The following STAT5A variants were observed in gnomAD, a reference collection of about 807,000 sequenced individuals.
STAT5A encodes signal transducer and activator of transcription 5A.
Under a neutral mutation model 100.2 loss-of-function variants are expected in STAT5A, and 26 were observed. The observed-to-expected ratio is 0.26, with a 90% CI of 0.19 to 0.36. The LOEUF is 0.36. STAT5A is among the 10% of genes least tolerant of loss of function. The pLI is 1.00. For missense variants in STAT5A, 634 were observed against 1,027.5 expected (o/e 0.62, Z 5.24); for synonymous variants, 330 against 424.3 (o/e 0.78, Z 2.73).
intron 7 of STAT5A, among the ~76,000 whole-genome samples, 200 bp downstream of exon 7, chr17:42,300,481 G>T (rs1001207078): frequency 1.3e-5 from 2 of 152,176 alleles, no homozygotes; most frequent in African/African-American, 4.8e-5. Flanking sequence ...CTGTCCTGGG[G>T]GTGGGATGGG....
rs989178496 is a variant in STAT5A at position 42,306,218 on chromosome 17, C to T, written c.1474-23C>T. 1.9e-6 allele frequency: 3 copies of T among 1,614,002 alleles called. No homozygotes were observed. The East Asian group carries it at 6.7e-5, about 36-fold the overall frequency. On this transcript the variant is annotated intron_variant, in intron 12 of 18. Transcript: ENST00000590949. ...TTCCAACTCCCTCAATCTACCTTTT[C>T]CCCTCTCTTGTCTCCCTCTCAGGGC... is the stretch of plus-strand genomic sequence containing the variant.
chr17:42,292,922 C>T (rs1448409313), intron 4 of STAT5A, among the ~76,000 whole-genome samples: 1 of 152,218 alleles, frequency 6.6e-6, no homozygotes, highest in East Asian at 1.9e-4. Context: ...GCCACCGTGC[C>T]CGGCCTGTTC....
chr17:42,293,137 C>T (rs1159583976), intron 4 of STAT5A, among the ~76,000 whole-genome samples: 1 of 152,210 alleles, frequency 6.6e-6, no homozygotes, highest in Non-Finnish European at 1.5e-5. Flanking sequence ...CACAACATGA[C>T]GTGACAGAAA....
rs537428620 is a variant in STAT5A, at chr17:42,304,454, G to A, written c.1257+25G>A. The A allele has an allele frequency of 1.9e-6, 3 of 1,614,222 alleles. No individual in the cohort carries two copies. The highest frequency in any genetic ancestry group is 4.5e-5 in the East Asian group (2 of 44,882). ...GGTGAGGACGGGGCCCACCCTCGGA[G>A]GGCAGGTCTGCCCAGAGCTGAGTCC... is the stretch of plus-strand genomic sequence containing the variant. On this transcript the variant is annotated intron_variant, in intron 10 of 18. Coordinates refer to ENST00000590949, the MANE Select transcript of STAT5A (RefSeq NM_001288718.2). The surrounding 1 kb of genome is among the most constrained non-coding windows in gnomAD (Gnocchi z 4.8).
At chr17:42,298,418 C>T (rs1176951579) in intron 5 of STAT5A, among the ~76,000 whole-genome samples, 1 of 151,820 alleles carries the variant, frequency 6.6e-6, no homozygotes. Context: ...GTCTCAGCCT[C>T]CCAAAGTGCT....
intron 4 of STAT5A, among the ~76,000 whole-genome samples, chr17:42,292,680 G>A (rs1031791738): frequency 2.3e-4 from 35 of 149,474 alleles, no homozygotes; most frequent in Admixed American, 6.8e-5. Flanking sequence ...AGGCTGGAGT[G>A]CAGTGATGTG....
intron 7 of STAT5A, 122 bp from the exon 8 acceptor site, chr17:42,300,593 C>T (rs2080967406): frequency 1.1e-6 from 1 of 881,774 alleles, no homozygotes; most frequent in Non-Finnish European, 1.7e-6. Context: ...CTGCTCTTCC[C>T]ATGGGTGGGA....
At chr17:42,298,509 T>C (rs1038261596) in intron 5 of STAT5A, among the ~76,000 whole-genome samples, 3 of 146,892 alleles carry the variant, frequency 2.0e-5, no homozygotes, top group African/African-American at 7.7e-5. Flanking sequence ...TCTAGCTCTG[T>C]CGCCCAGGCT....
Position 42,304,305 on chromosome 17 carries a change from G to A in STAT5A, c.1170-37G>A. 6.2e-7 allele frequency: 1 copy of A among 1,607,328 alleles called. No homozygotes were observed. Among genetic ancestry groups the A allele is most frequent in the Non-Finnish European group, 8.5e-7 (1 of 1,174,666 alleles). ...GGACAGGACCATGCTCCTGGCCTGG[G>A]GCCCATGTGGAGCTGGGACCCCCCT... On this transcript the variant is annotated intron_variant, in intron 9 of 18. Transcript: ENST00000590949. The surrounding 1 kb of genome is among the most constrained non-coding windows in gnomAD (Gnocchi z 4.8).
intron 5 of STAT5A, among the ~76,000 whole-genome samples, chr17:42,298,222 G>A (rs1463871776): frequency 1.3e-5 from 2 of 151,836 alleles, no homozygotes; most frequent in Non-Finnish European, 2.9e-5. Context: ...GGAGTGCAGT[G>A]GTGCTCTCGG....
In STAT5A at chr17:42,305,720, C is replaced by CCCTA. The variant is rs2081021843; in HGVS notation, c.1473+21_1473+24dup. 1 of 1,612,934 alleles carries CCCTA rather than the reference C, an allele frequency of 6.2e-7. No homozygotes were observed. Among genetic ancestry groups the CCCTA allele is most frequent in the Non-Finnish European group, 8.5e-7 (1 of 1,179,446 alleles). On this transcript the variant is annotated intron_variant, in intron 12 of 18. Coordinates refer to ENST00000590949, the MANE Select transcript of STAT5A (RefSeq NM_001288718.2). ...CTGAGCCGGTGAGTCCCCGTGGGAG[C>CCCTA]CCTACCCCAGCACCCCCAGGCCCTA...
intron 9 of STAT5A, among the ~76,000 whole-genome samples, chr17:42,302,403 C>T (rs940325339): frequency 6.6e-6 from 1 of 151,848 alleles, no homozygotes; most frequent in Non-Finnish European, 1.5e-5. Flanking sequence ...GTCTTAGGCT[C>T]CTGGTGGAAT....
chr17:42,309,655 C>A (rs1254333328), intron 18 of STAT5A, 171 bp downstream of exon 18: 3 of 631,868 alleles, frequency 4.7e-6, no homozygotes, highest in African/African-American at 3.7e-5. Flanking sequence ...ATAGCAGGGT[C>A]AAGTCCTCAC....
At chr17:42,292,926 C>A (rs1297314142) in intron 4 of STAT5A, among the ~76,000 whole-genome samples, 1 of 152,186 alleles carries the variant, frequency 6.6e-6, no homozygotes, top group Non-Finnish European at 1.5e-5. Flanking sequence ...CCGTGCCCGG[C>A]CTGTTCCTAC....
At chr17:42,289,309 G>A (rs2080845488) in intron 1 of STAT5A, 93 bp from the exon 2 acceptor site, 1 of 1,369,132 alleles carries the variant, frequency 7.3e-7, no homozygotes, top group Non-Finnish European at 9.5e-7. Flanking sequence ...GCCTGGCCGC[G>A]GTCCAGGGAT....
Position 42,305,541 on chromosome 17 carries a change from G to T in STAT5A, c.1381-69G>T. 4 of 1,250,218 alleles carry T rather than the reference G, an allele frequency of 3.2e-6. No individual in the cohort carries two copies. The South Asian group carries it at 5.2e-5, about 16-fold the overall frequency. The allele number at this position is 1,250,218 out of a possible 1,614,324, so 77.4% of individuals were successfully genotyped here. A position where few individuals can be genotyped will look rare whatever the true frequency, so the allele number is the denominator to read the frequency against. ...CATAAAAAAAAATAAAGCAGATTGG[G>T]CATGTTGCCTAAGCAGAGGGCACGT... On this transcript the variant is annotated intron_variant, in intron 11 of 18. Transcript: ENST00000590949.
chr17:42,295,213 T>C (rs983374877), intron 4 of STAT5A, among the ~76,000 whole-genome samples: 11 of 152,164 alleles, frequency 7.2e-5, no homozygotes, highest in African/African-American at 2.4e-4. Flanking sequence ...GTCCATGGTA[T>C]TGAGTCAGCA....
At chr17:42,299,350 C>A (rs2080951950) in intron 5 of STAT5A, among the ~76,000 whole-genome samples, 2 of 152,228 alleles carry the variant, frequency 1.3e-5, no homozygotes, top group African/African-American at 4.8e-5. Context: ...GAAGCTGAGG[C>A]ACAGGAAAGG....
At chr17:42,309,221 A>T in intron 17 of STAT5A, 123 bp downstream of exon 17, 1 of 1,573,216 alleles carries the variant, frequency 6.4e-7, no homozygotes, top group South Asian at 1.1e-5. Context: ...AGCCCTGGGG[A>T]GGGAGTCCCC....
Sources: gnomAD v4.1 joint callset for allele counts (sites outside exome capture counted in the v4.1 genomes callset) on GRCh38, gnomAD v4.1.1 for gene constraint, Gnocchi (gnomAD v3.1) non-coding constraint, MANE v1.5 for transcripts, NCBI Gene and HGNC (gene_info 2026-07-23, HGNC 2026-07-21) for gene names.